Variants in HCN1 observed in about 807,000 individuals in gnomAD.
HCN1 encodes potassium/sodium hyperpolarization-activated cyclic nucleotide-gated channel 1.
Under a neutral mutation model 78.9 loss-of-function variants are expected in HCN1, and 13 were observed. The observed-to-expected ratio is 0.16, with a 90% CI of 0.11 to 0.26. The LOEUF is 0.26. Ranked by LOEUF, HCN1 falls within the 10% of genes least tolerant of loss-of-function variation. HCN1 has a pLI of 1.00. For synonymous variants in HCN1, 552 were observed against 455.5 expected (o/e 1.21, Z -2.70); for missense variants, 810 against 1,154.3 (o/e 0.70, Z 4.32).
intron 5 of HCN1, among the ~76,000 whole-genome samples, chr5:45,349,027 T>C (rs765985170): frequency 6.6e-6 from 1 of 152,196 alleles, no homozygotes; most frequent in African/African-American, 2.4e-5. Context: ...GCGGACCTAA[T>C]AGACATCTAC....
intron 3 of HCN1, among the ~76,000 whole-genome samples, chr5:45,436,113 T>C (rs1022293386): frequency 2.0e-5 from 3 of 152,238 alleles, no homozygotes; most frequent in African/African-American, 7.2e-5. Context: ...TAAGAATGTA[T>C]AGACAGCACT....
chr5:45,314,325 C>T (rs1260522867), intron 5 of HCN1, among the ~76,000 whole-genome samples: 1 of 152,238 alleles, frequency 6.6e-6, no homozygotes, highest in South Asian at 2.1e-4. Flanking sequence ...GAGATTATGT[C>T]ACCACCAGGC....
chr5:45,490,731 C>T (rs1741863691), intron 2 of HCN1, among the ~76,000 whole-genome samples: 1 of 152,214 alleles, frequency 6.6e-6, no homozygotes, highest in East Asian at 1.9e-4. Context: ...ACATACCTAC[C>T]ATGTACTCAC....
chr5:45,486,680 CAA>C (rs1202120229), intron 2 of HCN1, among the ~76,000 whole-genome samples: 4 of 151,936 alleles, frequency 2.6e-5, no homozygotes, highest in Admixed American at 2.6e-4. Flanking sequence ...TACTAACAAA[CAA>C]ATGATGAAAA....
chr5:45,377,727 A>G (rs1039132078), intron 4 of HCN1, among the ~76,000 whole-genome samples: 4 of 152,060 alleles, frequency 2.6e-5, no homozygotes, highest in Non-Finnish European at 4.4e-5. Flanking sequence ...TGAGATAGTT[A>G]GAAGTCAGGT....
rs183108580 is a variant in HCN1, at chr5:45,477,947, T to C, written c.850-15940A>G. Among the ~76,000 whole-genome samples, 161 of 152,254 alleles carry C rather than the reference T, an allele frequency of 1.1e-3. 2 individuals are homozygous for C. Among genetic ancestry groups the C allele is most frequent in the Middle Eastern group, 6.8e-3 (2 of 294 alleles). Reference sequence around the variant, plus strand: ...AGAACGCAGAAAAAAAGACACTCATTCACTATTGGTTAAAACATAAATTAT... The same window carrying C: ...AGAACGCAGAAAAAAAGACACTCATCCACTATTGGTTAAAACATAAATTAT... On this transcript the variant is annotated intron_variant, in intron 2 of 7. Coordinates refer to ENST00000303230, the MANE Select transcript of HCN1 (RefSeq NM_021072.4).
At chr5:45,484,276 T>A (rs758854020) in intron 2 of HCN1, among the ~76,000 whole-genome samples, 1 of 151,578 alleles carries the variant, frequency 6.6e-6, no homozygotes, top group Non-Finnish European at 1.5e-5. Flanking sequence ...CTAAAAAAAA[T>A]ACAAAAAAAT....
At chr5:45,633,878 A>G (rs377128613) in intron 2 of HCN1, among the ~76,000 whole-genome samples, 1 of 152,010 alleles carries the variant, frequency 6.6e-6, no homozygotes, top group Non-Finnish European at 1.5e-5. Flanking sequence ...ACATGTGCTC[A>G]CTAAAAATTT....
intron 2 of HCN1, among the ~76,000 whole-genome samples, chr5:45,540,697 A>G (rs1346908429): frequency 6.6e-6 from 1 of 152,202 alleles, no homozygotes. Flanking sequence ...CATAATATGT[A>G]AATAGCACAT....
At chr5:45,488,554 G>A (rs1397972729) in intron 2 of HCN1, among the ~76,000 whole-genome samples, 2 of 151,892 alleles carry the variant, frequency 1.3e-5, no homozygotes, top group African/African-American at 4.8e-5. Context: ...AAAGATATAC[G>A]GCATTTTCGT....
Position 45,327,860 on chromosome 5 carries a change from A to T in HCN1, c.1378-24021T>A, listed in dbSNP as rs543351014. Among the ~76,000 whole-genome samples the T allele has an allele frequency of 4.9e-4, 75 of 151,694 alleles. 1 individual carries two copies. Among genetic ancestry groups the T allele is most frequent in the African/African-American group, 1.8e-3 (74 of 41,474 alleles). On this transcript the variant is annotated intron_variant, in intron 5 of 7. Transcript: ENST00000303230. ...ATCAAGGAGAGAAGCCTCAGAAGAAACTAGACCTGCCAATACCTCGATCTC... is the reference window on the plus strand; with the variant it reads ...ATCAAGGAGAGAAGCCTCAGAAGAATCTAGACCTGCCAATACCTCGATCTC...
intron 6 of HCN1, among the ~76,000 whole-genome samples, chr5:45,298,351 CT>C (rs757997165): frequency 3.4e-4 from 51 of 152,116 alleles, no homozygotes; most frequent in Non-Finnish European, 4.6e-4. Context: ...CTTTCCAGAT[CT>C]TTATTTCAAT....
intron 4 of HCN1, among the ~76,000 whole-genome samples, chr5:45,396,117 T>G (rs915793717): frequency 6.6e-6 from 1 of 152,150 alleles, no homozygotes; most frequent in African/African-American, 2.4e-5. Flanking sequence ...GCTGCCTGTC[T>G]CCACTTAATC....
At chr5:45,656,488 C>T (rs146969023) in intron 1 of HCN1, among the ~76,000 whole-genome samples, 15 of 152,294 alleles carry the variant, frequency 9.8e-5, no homozygotes, top group African/African-American at 3.6e-4. Flanking sequence ...AAACATAGTG[C>T]TAGTCCATGG....
chr5:45,453,469 C>T (rs966119769), intron 3 of HCN1, among the ~76,000 whole-genome samples: 2 of 152,120 alleles, frequency 1.3e-5, no homozygotes, highest in African/African-American at 4.8e-5. Context: ...CACACACATA[C>T]AAAACACAAT....
chr5:45,350,831 C>T (rs1034746932), intron 5 of HCN1, among the ~76,000 whole-genome samples: 6 of 152,076 alleles, frequency 3.9e-5, no homozygotes, highest in African/African-American at 1.2e-4. Context: ...ACGTGAAGGA[C>T]CTCTTCAAGG....
In HCN1 at chr5:45,695,904, C is replaced by T. The variant is rs1365874820; in HGVS notation, c.190G>A (p.Gly64Ser). 5 of 1,512,362 alleles carry T rather than the reference C, an allele frequency of 3.3e-6. No individual in the cohort carries two copies. The highest frequency in any genetic ancestry group is 2.2e-5 in the Admixed American group (1 of 45,578). 93.7% of individuals were successfully genotyped at this position (1,512,362 alleles called of 1,614,324 possible). Reference protein sequence around the residue: ...GNSVCFKVDGGGGGGGGGGGG... With the variant: ...GNSVCFKVDGSGGGGGGGGGG... The stretch of plus-strand genomic sequence containing the variant: ...CCGCCGCCGCCGCCACCGCCGCCAC[C>T]GCCGTCCACCTTGAAGCACACGGAG... The change falls in exon 1 of 8, where the codon GGT (glycine) becomes AGT (serine). Residue 64 changes from glycine (G) to serine (S), a missense_variant. Transcript: ENST00000303230.
intron 2 of HCN1, among the ~76,000 whole-genome samples, chr5:45,628,399 C>A (rs1745208376): frequency 6.6e-6 from 1 of 151,896 alleles, no homozygotes; most frequent in African/African-American, 2.4e-5. Flanking sequence ...ATAAAGCTCT[C>A]AAAAAATCAC....
chr5:45,399,661 G>T (rs2112043546), intron 3 of HCN1, among the ~76,000 whole-genome samples: 1 of 152,234 alleles, frequency 6.6e-6, no homozygotes, highest in South Asian at 2.1e-4. Flanking sequence ...CAATAAAACA[G>T]AAGATTGAAA....
Sources: allele counts gnomAD v4.1 joint callset (sites outside exome capture counted in the v4.1 genomes callset), GRCh38; gene constraint gnomAD v4.1.1; transcripts MANE v1.5; gene names NCBI Gene and HGNC (gene_info 2026-07-23, HGNC 2026-07-21).